The following GRID2IP variants were observed in gnomAD, a reference collection of about 807,000 sequenced individuals.
The protein encoded by GRID2IP is delphilin.
A neutral mutation model predicts 114.3 loss-of-function variants in GRID2IP; 78 were observed. The ratio of observed to expected loss-of-function variants is 0.68; its 90% confidence interval spans 0.57 to 0.82. The LOEUF (loss-of-function observed/expected upper bound fraction) is 0.82, where lower values mean the gene tolerates loss of function less well. Ranked by LOEUF, GRID2IP falls within the 40% of genes least tolerant of loss-of-function variation. The pLI is 0.00. For missense variants in GRID2IP, 1,727 were observed against 1,678.5 expected (o/e 1.03, Z -0.51); for synonymous variants, 809 against 724.0 (o/e 1.12, Z -1.89).
rs1056460560 is a variant in GRID2IP, at chr7:6,503,695, C to A, written c.2711-8G>T. On this transcript the variant is annotated splice_region_variant and splice_polypyrimidine_tract_variant and intron_variant, in intron 15 of 21. Transcript: ENST00000457091. ...GGTGTGCCAAGAGGATGGCTGCGGG[C>A]GGGGCGGGGCGGTGAGCTGGGCGGG... is the stretch of plus-strand genomic sequence containing the variant. 5 of 944,986 alleles carry A rather than the reference C, an allele frequency of 5.3e-6. No individual in the cohort carries two copies. Among genetic ancestry groups the A allele is most frequent in the Middle Eastern group, 4.0e-4 (1 of 2,484 alleles). 58.5% of individuals were successfully genotyped at this position (944,986 alleles called of 1,614,324 possible).
rs901311646 is a variant in GRID2IP, at chr7:6,503,030, C to G, written c.3041G>C (p.Arg1014Pro). 1.3e-6 allele frequency: 2 copies of G among 1,551,382 alleles called. No individual in the cohort carries two copies. The highest frequency in any genetic ancestry group is 2.7e-5 in the African/African-American group (2 of 73,030). Residue 1014 changes from arginine to proline, a missense_variant, in exon 17 of 22, where the codon CGG becomes CCG. Arg to Pro is a moderately radical substitution (Grantham distance 103, BLOSUM62 -2). Coordinates refer to ENST00000457091, the MANE Select transcript of GRID2IP (RefSeq NM_001145118.2). ...RQASLELKNS[R>P]KLAKILEFVL... ...GACCTCCAGGATCTTGGCGAGCTTC[C>G]GACTGTTTTTGAGCTCCAGGGAGGC...
chr7:6,500,518 C>T (rs1051264650), intron 20 of GRID2IP, among the ~76,000 whole-genome samples: 1 of 152,164 alleles, frequency 6.6e-6, no homozygotes, highest in African/African-American at 2.4e-5. Context: ...GTGAAAAGCA[C>T]CTTGCCCAAG....
rs12702522 is a variant in GRID2IP at position 6,518,919 on chromosome 7, G to T, written c.1268+1659C>A. ...ATGATATCAAGCACAGTTTTTTTTT[G>T]TTTTTTTGTTTTTTTTTGAGACGAA... On this transcript the variant is annotated intron_variant, in intron 7 of 21. Transcript: ENST00000457091. Among the ~76,000 whole-genome samples the T allele has an allele frequency of 5.3e-3, 782 of 146,846 alleles. 5 individuals are homozygous for T. Among genetic ancestry groups the T allele is most frequent in the African/African-American group, 0.015 (583 of 39,840 alleles).
In GRID2IP at chr7:6,508,282, G is replaced by A. The variant is rs901150589; in HGVS notation, c.2247C>T (p.Ile749=). 4.8e-6 allele frequency: 7 copies of A among 1,458,690 alleles called. No homozygotes were observed. The Admixed American group carries it at 1.4e-4, about 29-fold the overall frequency. The allele number at this position is 1,458,690 out of a possible 1,614,324, so 90.4% of individuals were successfully genotyped here. ...GTGGGGGGCTGAGCGGGGGTGGGGG[G>A]ATGTGGTCAGAGATGGAGGAGTAGG... is the stretch of plus-strand genomic sequence containing the variant. ...SLTYSSISDH[I]PPPPLSPPPP... Residue 749 remains isoleucine (I), a synonymous_variant, in exon 13 of 22, where the codon ATC becomes ATT. Transcript: ENST00000457091. The surrounding 1 kb of genome is among the most constrained non-coding windows in gnomAD (Gnocchi z 5.6).
intron 1 of GRID2IP, among the ~76,000 whole-genome samples, chr7:6,550,327 C>T (rs542959820): frequency 2.0e-5 from 3 of 152,118 alleles, no homozygotes; most frequent in East Asian, 1.9e-4. Context: ...GAAAGGGGCA[C>T]GTGGGAACAT....
chr7:6,508,878 G>T lies in GRID2IP; in HGVS notation c.2127+80C>A. 1 of 1,482,724 alleles carries T rather than the reference G, an allele frequency of 6.7e-7. No homozygotes were observed. Among genetic ancestry groups the T allele is most frequent in the Non-Finnish European group, 8.9e-7 (1 of 1,118,856 alleles). 91.8% of individuals were successfully genotyped at this position (1,482,724 alleles called of 1,614,324 possible). On this transcript the variant is annotated intron_variant, in intron 12 of 21. Coordinates refer to ENST00000457091, the MANE Select transcript of GRID2IP (RefSeq NM_001145118.2). The surrounding 1 kb of genome is among the most constrained non-coding windows in gnomAD (Gnocchi z 5.6). ...TCCCAAGGGCAGCAGGCCCCTTGCG[G>T]GAGCCCAGGAACACTGTTGCCTTGC...
rs1432830791 is a variant in GRID2IP, at chr7:6,534,363, C to T, written c.584+5355G>A. Among the ~76,000 whole-genome samples, 1 of 152,198 alleles carries T rather than the reference C, an allele frequency of 6.6e-6. No homozygotes were observed. Among genetic ancestry groups the T allele is most frequent in the East Asian group, 1.9e-4 (1 of 5,196 alleles). On this transcript the variant is annotated intron_variant, in intron 2 of 21. Transcript: ENST00000457091. The surrounding 1 kb of genome is among the most constrained non-coding windows in gnomAD (Gnocchi z 4.5). ...TTCCTGTTCCCTCCTGGCCACGTCA[C>T]ACTTTCCAAACTGCCTGGCCTGTCC...
Position 6,526,638 on chromosome 7 carries a change from G to T in GRID2IP, c.716C>A (p.Pro239Gln), listed in dbSNP as rs1240000658. Residue 239 changes from proline (P) to glutamine (Q), a missense_variant, in exon 3 of 22, where the codon CCG (proline) becomes CAG (glutamine). Transcript: ENST00000457091. This position sits in a 1 kb window ranked among gnomAD's most constrained non-coding sequence, Gnocchi z 7.6. ...GCGCGTGGACACCAGGAGGCGCTCC[G>T]GCCGCTCCTCGCTGCGGCTCCGGCG... Reference protein sequence around the residue: ...RLRRSRSEERPERLLVSTRAS... With the variant: ...RLRRSRSEERQERLLVSTRAS... 7 of 1,359,386 alleles carry T rather than the reference G, an allele frequency of 5.1e-6. No individual in the cohort carries two copies. The African/African-American group carries it at 9.3e-5, about 18-fold the overall frequency. 84.2% of individuals were successfully genotyped at this position (1,359,386 alleles called of 1,614,324 possible). A position where few individuals can be genotyped will look rare whatever the true frequency, so the allele number is the denominator to read the frequency against.
chr7:6,504,538 C>A (rs1786519433), intron 15 of GRID2IP, among the ~76,000 whole-genome samples: 1 of 151,282 alleles, frequency 6.6e-6, no homozygotes, highest in Non-Finnish European at 1.5e-5. Flanking sequence ...GCGGGGCCTG[C>A]GAAGGAGAGA....
chr7:6,538,364 TCAAAA>T (rs57880924), intron 2 of GRID2IP, among the ~76,000 whole-genome samples: 61,447 of 143,754 alleles, frequency 0.43, 14,694 homozygotes, highest in Non-Finnish European at 0.55. Flanking sequence ...AGACCCTGTC[TCAAAA>T]CAAAACAAAA....
In GRID2IP at chr7:6,520,853, G is replaced by A; in HGVS notation, c.1085-92C>T. ...GGCTTTTGAGGTCAGGAGACCTCCTGAGCTGGGGTGTGGCTGTCCAGTGCC... is the reference window on the plus strand; with the variant it reads ...GGCTTTTGAGGTCAGGAGACCTCCTAAGCTGGGGTGTGGCTGTCCAGTGCC... On this transcript the variant is annotated intron_variant, in intron 6 of 21. Transcript: ENST00000457091. The surrounding 1 kb of genome is among the most constrained non-coding windows in gnomAD (Gnocchi z 4.6). 8.1e-7 allele frequency: 1 copy of A among 1,240,548 alleles called. No individual in the cohort carries two copies. Among genetic ancestry groups the A allele is most frequent in the African/African-American group, 1.5e-5 (1 of 67,262 alleles). The allele number at this position is 1,240,548 out of a possible 1,614,324, so 76.8% of individuals were successfully genotyped here.
At chr7:6,550,916 C>T (rs1779963398) in intron 1 of GRID2IP, 92 bp downstream of exon 1, 2 of 1,183,726 alleles carry the variant, frequency 1.7e-6, no homozygotes, top group African/African-American at 3.2e-5. Context: ...GTTTCCTTAC[C>T]TCTGGCCCTG....
chr7:6,509,246 C>A lies in GRID2IP; in HGVS notation c.1839G>T (p.Pro613=), dbSNP rs377425738. 3.2e-5 allele frequency: 49 copies of A among 1,523,302 alleles called. No homozygotes were observed. Among genetic ancestry groups the A allele is most frequent in the Non-Finnish European group, 4.1e-5 (47 of 1,133,294 alleles). The allele number at this position is 1,523,302 out of a possible 1,614,324, so 94.4% of individuals were successfully genotyped here. A position where few individuals can be genotyped will look rare whatever the true frequency, so the allele number is the denominator to read the frequency against. ...GGGAGGCCAGACCCCCCGAACACAG[C>A]GGGTGGTAGCAGGGGGAGGGCAAGA... is the stretch of plus-strand genomic sequence containing the variant. The part of the protein sequence containing the change: ...ERLLPSPCYH[P]LCSGGLASPS... Residue 613 remains proline, a synonymous_variant, in exon 12 of 22, where the codon CCG becomes CCT. Transcript: ENST00000457091. This position sits in a 1 kb window ranked among gnomAD's most constrained non-coding sequence, Gnocchi z 4.9.
chr7:6,513,130 A>C (rs993790989), intron 8 of GRID2IP, among the ~76,000 whole-genome samples: 5 of 152,180 alleles, frequency 3.3e-5, no homozygotes, highest in African/African-American at 1.2e-4. Context: ...TGTGTGCAAG[A>C]AAGAGTACAC....
intron 4 of GRID2IP, among the ~76,000 whole-genome samples, chr7:6,522,807 A>ATGTGTGTGTGTGTGTGTGTGTGTG (rs72277817): frequency 1.7e-4 from 25 of 147,574 alleles, no homozygotes; most frequent in African/African-American, 3.5e-4. Flanking sequence ...CCTGGCTAAT[A>ATGTGTGTGTGTGTGTGTGTGTGTG]TGTGTGTGTG....
intron 20 of GRID2IP, among the ~76,000 whole-genome samples, chr7:6,499,697 C>T (rs1562509640): frequency 2.0e-5 from 3 of 152,094 alleles, no homozygotes; most frequent in Non-Finnish European, 2.9e-5. Context: ...TCCCAAAGTG[C>T]TGGGATTACA....
intron 1 of GRID2IP, among the ~76,000 whole-genome samples, chr7:6,545,842 C>T (rs552769240): frequency 1.6e-4 from 25 of 152,250 alleles, no homozygotes; most frequent in Non-Finnish European, 2.8e-4. Flanking sequence ...CAGCACCAGC[C>T]GCCCCCTCCC....
chr7:6,549,721 A>G (rs1253880960), intron 1 of GRID2IP, among the ~76,000 whole-genome samples: 10 of 152,074 alleles, frequency 6.6e-5, no homozygotes, highest in African/African-American at 2.4e-4. Flanking sequence ...CCCAAGCTCA[A>G]GTAATCCTCC....
In GRID2IP at chr7:6,508,708, C is replaced by A. The variant is rs1436656470; in HGVS notation, c.2127+250G>T. Among the ~76,000 whole-genome samples the A allele has an allele frequency of 1.3e-5, 2 of 152,112 alleles. No individual in the cohort carries two copies. Among genetic ancestry groups the A allele is most frequent in the Non-Finnish European group, 2.9e-5 (2 of 67,996 alleles). On this transcript the variant is annotated intron_variant, in intron 12 of 21. Transcript: ENST00000457091. The surrounding 1 kb of genome is among the most constrained non-coding windows in gnomAD (Gnocchi z 5.6). ...TAGCCTCAGGCTGTGAGTGGGATAG[C>A]CTGAGCTAAGGAATGGGCTAACCTG...
Sources: gnomAD v4.1 joint callset for allele counts (sites outside exome capture counted in the v4.1 genomes callset) on GRCh38, gnomAD v4.1.1 for gene constraint, Gnocchi (gnomAD v3.1) non-coding constraint, MANE v1.5 for transcripts, NCBI Gene and HGNC (gene_info 2026-07-23, HGNC 2026-07-21) for gene names.